The following GALNT13 variants were observed in gnomAD, a reference collection of about 807,000 sequenced individuals.
GALNT13 encodes UDP-GalNAc:polypeptide N-acetylgalactosaminyltransferase 13.
GALNT13 carries 28 observed loss-of-function variants against 64.2 expected under a neutral mutation model. The ratio of observed to expected loss-of-function variants is 0.44; its 90% confidence interval spans 0.32 to 0.60. The LOEUF (loss-of-function observed/expected upper bound fraction) is 0.60. Among genes scored for constraint, GALNT13 ranks in the 20% least tolerant of loss-of-function variants. The probability of loss-of-function intolerance (pLI) is 0.05; values close to 1 mark genes in which losing one functional copy is unlikely to be tolerated. For synonymous variants in GALNT13, 214 were observed against 224.6 expected (o/e 0.95, Z 0.42); for missense variants, 577 against 669.8 (o/e 0.86, Z 1.53).
the GALNT13 span, among the ~76,000 whole-genome samples, chr2:153,603,366 C>T: frequency 5.9e-5 from 9 of 151,986 alleles, no homozygotes; most frequent in Admixed American, 2.0e-4. Flanking sequence ...TAAATCAGAA[C>T]TTCCATATGC....
the GALNT13 span, among the ~76,000 whole-genome samples, chr2:153,229,598 G>T: frequency 6.6e-6 from 1 of 152,064 alleles, no homozygotes; most frequent in Non-Finnish European, 1.5e-5. Context: ...ATTTTTGGTT[G>T]TTCTTTTATT....
the GALNT13 span, among the ~76,000 whole-genome samples, chr2:153,673,127 A>G: frequency 2.0e-5 from 3 of 152,132 alleles, no homozygotes; most frequent in Non-Finnish European, 4.4e-5. Context: ...TCTACCAGAG[A>G]TACAAAGATG....
the GALNT13 span, among the ~76,000 whole-genome samples, chr2:153,501,267 C>A: frequency 2.6e-5 from 4 of 152,200 alleles, no homozygotes; most frequent in Non-Finnish European, 5.9e-5. Flanking sequence ...AGTCTGTTTT[C>A]TTTCAGTAGT....
the GALNT13 span, among the ~76,000 whole-genome samples, chr2:153,622,457 C>G: frequency 2.6e-4 from 39 of 152,220 alleles, no homozygotes; most frequent in Non-Finnish European, 4.7e-4. Flanking sequence ...TTTGGCATTT[C>G]TTTAGAAATT....
At chr2:153,460,301 T>C in the GALNT13 span, among the ~76,000 whole-genome samples, 154 of 152,288 alleles carry the variant, frequency 1.0e-3, no homozygotes, top group Non-Finnish European at 1.4e-3. Context: ...CTGTATGTTA[T>C]GTAACAACAT....
the GALNT13 span, among the ~76,000 whole-genome samples, chr2:153,495,114 A>G: frequency 6.6e-6 from 1 of 151,748 alleles, no homozygotes; most frequent in African/African-American, 2.4e-5. Context: ...TTTCCCTTTT[A>G]TTACAATGAC....
chr2:153,358,143 T>A, the GALNT13 span, among the ~76,000 whole-genome samples: 2 of 152,316 alleles, frequency 1.3e-5, no homozygotes, highest in Admixed American at 1.3e-4. Flanking sequence ...TCCCATTGCA[T>A]CTTTGCATTT....
chr2:153,138,755 A>G, the GALNT13 span, among the ~76,000 whole-genome samples: 2 of 151,988 alleles, frequency 1.3e-5, no homozygotes, highest in African/African-American at 4.8e-5. Context: ...GACACTTCTC[A>G]CCCCAAGCAC....
intron 8 of GALNT13, among the ~76,000 whole-genome samples, chr2:154,300,101 T>C (rs867583005): frequency 3.4e-4 from 47 of 137,218 alleles, no homozygotes; most frequent in African/African-American, 1.4e-3. Context: ...CTTTCTCTCT[T>C]TTTTTTTTTT....
the GALNT13 span, among the ~76,000 whole-genome samples, chr2:153,825,179 G>T: frequency 6.6e-6 from 1 of 152,116 alleles, no homozygotes; most frequent in Non-Finnish European, 1.5e-5. Context: ...AGAACTATGC[G>T]ACTCACATCA....
At chr2:154,300,743 A>G (rs1693396432) in intron 8 of GALNT13, among the ~76,000 whole-genome samples, 1 of 152,220 alleles carries the variant, frequency 6.6e-6, no homozygotes, top group Non-Finnish European at 1.5e-5. Context: ...AATATATGGT[A>G]TATTTTCTAA....
intron 3 of GALNT13, among the ~76,000 whole-genome samples, chr2:153,989,944 A>G (rs775856878): frequency 8.5e-5 from 13 of 152,238 alleles, no homozygotes; most frequent in Non-Finnish European, 1.5e-4. Flanking sequence ...TCAGAGATAA[A>G]ACAAAACAAA....
chr2:153,334,196 G>A, the GALNT13 span, among the ~76,000 whole-genome samples: 2 of 152,168 alleles, frequency 1.3e-5, no homozygotes, highest in African/African-American at 4.8e-5. Context: ...GACTTATAGG[G>A]ATAATAATTT....
At chr2:154,206,394 CT>C (rs551212239) in intron 4 of GALNT13, among the ~76,000 whole-genome samples, 182 of 151,940 alleles carry the variant, frequency 1.2e-3, no homozygotes, top group African/African-American at 4.1e-3. Flanking sequence ...GACAAATACA[CT>C]TTTTTTTCTT....
At chr2:153,606,465 C>A in the GALNT13 span, among the ~76,000 whole-genome samples, 1 of 152,152 alleles carries the variant, frequency 6.6e-6, no homozygotes, top group African/African-American at 2.4e-5. Flanking sequence ...AATTCGTAAA[C>A]TTTCTTAAAA....
At chr2:154,160,948 T>G (rs891215328) in intron 4 of GALNT13, among the ~76,000 whole-genome samples, 1 of 152,186 alleles carries the variant, frequency 6.6e-6, no homozygotes, top group Non-Finnish European at 1.5e-5. Flanking sequence ...GGGGGTAACT[T>G]ATCATTGGCT....
chr2:154,378,064 C>T (rs762652075), intron 9 of GALNT13, among the ~76,000 whole-genome samples: 1 of 152,074 alleles, frequency 6.6e-6, no homozygotes, highest in African/African-American at 2.4e-5. Context: ...GTGCCCCCAA[C>T]CTCATATACG....
chr2:153,456,428 G>T, the GALNT13 span, among the ~76,000 whole-genome samples: 10 of 152,286 alleles, frequency 6.6e-5, no homozygotes, highest in African/African-American at 2.4e-4. Context: ...GAAATGCTGA[G>T]GTCTGGGTGT....
At chr2:154,125,960 C>G (rs78074685) in intron 3 of GALNT13, among the ~76,000 whole-genome samples, 96 of 152,190 alleles carry the variant, frequency 6.3e-4, no homozygotes, top group African/African-American at 2.3e-3. Context: ...TCTGTAATAC[C>G]TCAGCCTGGG....
Sources: allele counts gnomAD v4.1 joint callset (sites outside exome capture counted in the v4.1 genomes callset), GRCh38; gene constraint gnomAD v4.1.1; transcripts MANE v1.5; gene names NCBI Gene and HGNC (gene_info 2026-07-23, HGNC 2026-07-21).